CMTM4: variants seen among roughly 807,000 people sequenced by gnomAD.
The protein encoded by CMTM4 is CKLF-like MARVEL transmembrane domain-containing protein 4.
In CMTM4, 8 loss-of-function variants were observed where a neutral mutation model predicts 19.0. That is an observed-to-expected ratio of 0.42 (90% CI 0.25 to 0.76). The LOEUF is 0.76. Among genes scored for constraint, CMTM4 ranks in the 30% least tolerant of loss-of-function variants. CMTM4 has a pLI of 0.27. For missense variants in CMTM4, 228 were observed against 290.2 expected (o/e 0.79, Z 1.56); for synonymous variants, 106 against 121.1 (o/e 0.88, Z 0.82).
At position 66,617,480 on chromosome 16, in the gene CMTM4, C is replaced by T. The variant is rs1409440488; in HGVS notation, c.*4578G>A. 9 of 1,444,340 alleles carry T rather than the reference C, an allele frequency of 6.2e-6. No individual in the cohort carries two copies. Among genetic ancestry groups the T allele is most frequent in the South Asian group, 5.9e-5 (4 of 68,324 alleles). 89.5% of individuals were successfully genotyped at this position (1,444,340 alleles called of 1,614,324 possible). The stretch of plus-strand genomic sequence containing the variant: ...ACTCCGCTTCAAGCTAAAGAGTGTA[C>T]AAAATGCCACTCACTTGCATGAAGA... On this transcript the variant is annotated 3_prime_UTR_variant, in exon 4 of 4. Transcript: ENST00000394106.
chr16:66,631,156 G>A (rs1367007105), intron 2 of CMTM4, among the ~76,000 whole-genome samples: 9 of 151,470 alleles, frequency 5.9e-5, no homozygotes, highest in Middle Eastern at 3.4e-3. Flanking sequence ...CACCCCGTCC[G>A]GGAGGGAGGT....
chr16:66,663,137 CAA>C (rs962099778), intron 1 of CMTM4, among the ~76,000 whole-genome samples: 1 of 152,132 alleles, frequency 6.6e-6, no homozygotes, highest in African/African-American at 2.4e-5. Flanking sequence ...CTTTCGAAAA[CAA>C]AACAAAAATC....
intron 2 of CMTM4, among the ~76,000 whole-genome samples, chr16:66,628,721 CT>C (rs1379444596): frequency 4.6e-5 from 7 of 152,138 alleles, no homozygotes; most frequent in African/African-American, 1.2e-4. Context: ...TCTGATCTCT[CT>C]TTTTTTCCCC....
Position 66,620,327 on chromosome 16 carries a change from G to A in CMTM4, c.*1731C>T, listed in dbSNP as rs2015607094. 1.0e-6 allele frequency: 1 copy of A among 985,372 alleles called. No homozygotes were observed. Among genetic ancestry groups the A allele is most frequent in the Admixed American group, 6.1e-5 (1 of 16,264 alleles). The allele number at this position is 985,372 out of a possible 1,614,324, so 61.0% of individuals were successfully genotyped here. A position where few individuals can be genotyped will look rare whatever the true frequency, so the allele number is the denominator to read the frequency against. ...AGCTGGCCTGGCTGCCCTCTCTGTGGGAGCAGAGGGGAGACGAGTTGTTAA... is the reference window on the plus strand; with the variant it reads ...AGCTGGCCTGGCTGCCCTCTCTGTGAGAGCAGAGGGGAGACGAGTTGTTAA... On this transcript the variant is annotated 3_prime_UTR_variant, in exon 4 of 4. Coordinates refer to ENST00000394106, the MANE Select transcript of CMTM4 (RefSeq NM_181521.3).
chr16:66,672,342 T>C (rs763437701), intron 1 of CMTM4, among the ~76,000 whole-genome samples: 2 of 147,476 alleles, frequency 1.4e-5, no homozygotes, highest in African/African-American at 2.5e-5. Flanking sequence ...GAGACGGAGG[T>C]TGCAATAAGC....
In CMTM4 at chr16:66,665,554, A is replaced by G. The variant is rs560179934; in HGVS notation, c.187-28973T>C. On this transcript the variant is annotated intron_variant, in intron 1 of 3. Coordinates refer to ENST00000394106, the MANE Select transcript of CMTM4 (RefSeq NM_181521.3). ...GAAGTCAGGAGTTCAAGACCAGCCT[A>G]GCCAACACAATGAAACCCCATCTCT... Among the ~76,000 whole-genome samples the G allele has an allele frequency of 4.3e-3, 645 of 151,624 alleles. 3 individuals are homozygous for G. The highest frequency in any genetic ancestry group is 0.014 in the African/African-American group (593 of 41,346).
At chr16:66,677,849 G>C (rs1399402950) in intron 1 of CMTM4, among the ~76,000 whole-genome samples, 5 of 152,134 alleles carry the variant, frequency 3.3e-5, no homozygotes, top group Non-Finnish European at 7.3e-5. Flanking sequence ...TTATAGGCAT[G>C]TGCCATGATG....
chr16:66,665,262 TAAAA>T (rs71145929), intron 1 of CMTM4, among the ~76,000 whole-genome samples: 138 of 59,708 alleles, frequency 2.3e-3, no homozygotes, highest in South Asian at 9.0e-3. Context: ...CCCTGTTTCT[TAAAA>T]AAAAAAAAAA....
intron 1 of CMTM4, among the ~76,000 whole-genome samples, chr16:66,651,525 T>C (rs1432632093): frequency 6.6e-6 from 1 of 152,146 alleles, no homozygotes; most frequent in African/African-American, 2.4e-5. Context: ...AGCACCTCCA[T>C]CGTGTGGCCA....
chr16:66,609,610 T>C, the CMTM4 span: 4 of 1,519,346 alleles, frequency 2.6e-6, no homozygotes, highest in Non-Finnish European at 3.6e-6. This position sits in a 1 kb window ranked among gnomAD's most constrained non-coding sequence, Gnocchi z 4.4. Context: ...GGGCAGAGCC[T>C]TTCCCTGCTG....
chr16:66,633,131 A>AT, intron 2 of CMTM4, among the ~76,000 whole-genome samples: 3 of 137,378 alleles, frequency 2.2e-5, no homozygotes, highest in Admixed American at 1.5e-4. Flanking sequence ...ATATATATAT[A>AT]AATATATATA....
chr16:66,690,608 A>G (rs1026185348), intron 1 of CMTM4, among the ~76,000 whole-genome samples: 3 of 152,204 alleles, frequency 2.0e-5, no homozygotes, highest in Admixed American at 2.0e-4. Context: ...ACCAAATAAA[A>G]GAGATGCCAT....
intron 1 of CMTM4, among the ~76,000 whole-genome samples, chr16:66,692,088 G>A (rs892818718): frequency 3.9e-5 from 6 of 152,040 alleles, no homozygotes; most frequent in African/African-American, 1.2e-4. Flanking sequence ...ACCTGTGTGA[G>A]GTTTTGTTGT....
At chr16:66,667,068 T>C (rs1391413780) in intron 1 of CMTM4, among the ~76,000 whole-genome samples, 2 of 152,244 alleles carry the variant, frequency 1.3e-5, no homozygotes, top group African/African-American at 4.8e-5. Flanking sequence ...CTTACGCCTG[T>C]AATCCTAACA....
At chr16:66,687,633 A>G (rs1328870682) in intron 1 of CMTM4, among the ~76,000 whole-genome samples, 6 of 151,656 alleles carry the variant, frequency 4.0e-5, no homozygotes, top group African/African-American at 1.5e-4. Context: ...TATCACTATC[A>G]GTCTGTTGTC....
intron 1 of CMTM4, among the ~76,000 whole-genome samples, chr16:66,677,168 T>C (rs1048700714): frequency 3.9e-5 from 6 of 152,136 alleles, no homozygotes; most frequent in African/African-American, 1.2e-4. Context: ...ACGAGGAAGG[T>C]TGAGGCTGCA....
intron 2 of CMTM4, among the ~76,000 whole-genome samples, chr16:66,625,892 C>T (rs2015728856): frequency 6.6e-6 from 1 of 152,226 alleles, no homozygotes; most frequent in African/African-American, 2.4e-5. Flanking sequence ...ACACTAGCCA[C>T]AATTCGAGTG....
Position 66,630,496 on chromosome 16 carries a change from G to A in CMTM4, c.363+5909C>T, listed in dbSNP as rs534826633. Among the ~76,000 whole-genome samples, 260 of 151,808 alleles carry A rather than the reference G, an allele frequency of 1.7e-3. 3 individuals are homozygous for A. Among genetic ancestry groups the A allele is most frequent in the Admixed American group, 0.012 (180 of 15,268 alleles). On this transcript the variant is annotated intron_variant, in intron 2 of 3. Transcript: ENST00000394106. ...TGGGATTGCAGGCGCGCGCCGCCAC[G>A]CCTGACTGGTTTTCGTATTTTTTGG...
chr16:66,617,365 A>C lies in CMTM4; in HGVS notation c.*4693T>G, dbSNP rs1442687515. The stretch of plus-strand genomic sequence containing the variant: ...GTTTGTGGAGTAGGAAAAACTAGAA[A>C]GGAAAAAAAAATCCCAAAGGTTGAA... On this transcript the variant is annotated 3_prime_UTR_variant, in exon 4 of 4. Coordinates refer to ENST00000394106, the MANE Select transcript of CMTM4 (RefSeq NM_181521.3). 6.2e-7 allele frequency: 1 copy of C among 1,612,584 alleles called. No individual in the cohort carries two copies. The highest frequency in any genetic ancestry group is 1.7e-5 in the Admixed American group (1 of 59,786).
Sources: gnomAD v4.1 joint callset for allele counts (sites outside exome capture counted in the v4.1 genomes callset) on GRCh38, gnomAD v4.1.1 for gene constraint, Gnocchi (gnomAD v3.1) non-coding constraint, MANE v1.5 for transcripts, NCBI Gene and HGNC (gene_info 2026-07-23, HGNC 2026-07-21) for gene names.